Variants in XPA observed in about 807,000 individuals in gnomAD.
XPA encodes the protein DNA repair protein complementing XP-A cells.
Under a neutral mutation model 35.7 loss-of-function variants are expected in XPA, and 27 were observed. That is an observed-to-expected ratio of 0.76 (90% CI 0.56 to 1.04). The LOEUF is 1.04. Among genes scored for constraint, XPA ranks in the 50% least tolerant of loss-of-function variants. The pLI is 0.00. For synonymous variants in XPA, 133 were observed against 118.4 expected (o/e 1.12, Z -0.80); for missense variants, 354 against 342.7 (o/e 1.03, Z -0.26).
At chr9:97,662,905 G>A in the XPA span, 10 of 1,358,796 alleles carry the variant, frequency 7.4e-6, no homozygotes, top group East Asian at 2.1e-4. Flanking sequence ...ACACTAAAAT[G>A]TTTAATGAAT....
intron 5 of XPA, among the ~76,000 whole-genome samples, chr9:97,677,035 A>G (rs1828388458): frequency 6.6e-6 from 1 of 152,194 alleles, no homozygotes; most frequent in Admixed American, 6.5e-5. Context: ...TAATGTAAGG[A>G]AGATGTTGCC....
At chr9:97,654,836 T>G in the XPA span, 3 of 1,534,916 alleles carry the variant, frequency 2.0e-6, no homozygotes, top group South Asian at 3.4e-5. Context: ...ACAACTTATT[T>G]GGGATAAAAG....
At chr9:97,687,327 C>T in intron 3 of XPA, 66 bp from the exon 4 acceptor site, 2 of 1,440,246 alleles carry the variant, frequency 1.4e-6, no homozygotes, top group African/African-American at 1.4e-5. Context: ...GCAAATAGCC[C>T]AGCAACTTAG....
the XPA span, chr9:97,655,824 G>C: frequency 8.8e-6 from 13 of 1,483,732 alleles, no homozygotes; most frequent in East Asian, 2.5e-4. Context: ...GTTTAAAACT[G>C]TAACATAAAA....
chr9:97,666,930 G>GGTTTCAGAGTTCA, the XPA span: 3 of 1,276,196 alleles, frequency 2.4e-6, no homozygotes, highest in Non-Finnish European at 2.2e-6. Flanking sequence ...CAGAAACTCT[G>GGTTTCAGAGTTCA]GAGAGGATTC....
In XPA at chr9:97,675,754, CAA is replaced by C. The variant is rs1241937738; in HGVS notation, c.674-169_674-168del. ...AACAAAGTTGATTATACAAACTTGG[CAA>C]ACTTACTTTCTTACCTCACTAGTTC... On this transcript the variant is annotated intron_variant, in intron 5 of 5. Coordinates refer to ENST00000375128, the MANE Select transcript of XPA (RefSeq NM_000380.4). 4.6e-6 allele frequency: 4 copies of C among 865,362 alleles called. No individual in the cohort carries two copies. In the Admixed American group the frequency reaches 6.7e-5, roughly 14 times the overall value. The allele number at this position is 865,362 out of a possible 1,614,324, so 53.6% of individuals were successfully genotyped here.
intron 5 of XPA, among the ~76,000 whole-genome samples, chr9:97,680,212 G>GT (rs1828494707): frequency 6.6e-6 from 1 of 152,090 alleles, no homozygotes; most frequent in Non-Finnish European, 1.5e-5. Context: ...GAACACCATT[G>GT]TTTTTTGTTT....
At chr9:97,695,358 T>G (rs1829010542) in intron 1 of XPA, among the ~76,000 whole-genome samples, 1 of 152,260 alleles carries the variant, frequency 6.6e-6, no homozygotes, top group East Asian at 1.9e-4. Context: ...CTATAATGCC[T>G]GTTCATCTCT....
Position 97,675,481 on chromosome 9 carries a change from AG to A in XPA, c.779del (p.Thr260IlefsTer9). On this transcript the variant is annotated frameshift_variant, in exon 6 of 6. Coordinates refer to ENST00000375128, the MANE Select transcript of XPA (RefSeq NM_000380.4). LOFTEE classifies it high-confidence loss of function. ...TCAGTTCATGGCCACACATAGTACAAGTCTTACGGTACATGTCATCTTCTAG... is the reference window on the plus strand; with the variant it reads ...TCAGTTCATGGCCACACATAGTACAATCTTACGGTACATGTCATCTTCTAG... ...ENLEDDMYRK[T>X]CTMCGHELTY... 1 of 1,613,822 alleles carries A rather than the reference AG, an allele frequency of 6.2e-7. No homozygotes were observed. The highest frequency in any genetic ancestry group is 8.5e-7 in the Non-Finnish European group (1 of 1,179,774).
intron 5 of XPA, chr9:97,676,061 C>CT (rs1463164788): frequency 1.7e-5 from 3 of 176,624 alleles, no homozygotes; most frequent in Non-Finnish European, 3.6e-5. Context: ...GTAGAGAACT[C>CT]TACCACTATG....
At chr9:97,686,233 A>C (rs1828712365) in intron 4 of XPA, among the ~76,000 whole-genome samples, 1 of 152,234 alleles carries the variant, frequency 6.6e-6, no homozygotes, top group Non-Finnish European at 1.5e-5. Flanking sequence ...AACAGCACAA[A>C]AAGAATATTA....
rs749724416 is a variant in XPA at position 97,675,521 on chromosome 9, C to T, written c.740G>A (p.Gly247Glu). ...GTCATCTTCTAGGTTTTCTTCTGGTCCATACTCATGTTGATGAACAATCGT... is the reference window on the plus strand; with the variant it reads ...GTCATCTTCTAGGTTTTCTTCTGGTTCATACTCATGTTGATGAACAATCGT... Reference protein sequence around the residue: ...RETIVHQHEYGPEENLEDDMY... With the variant: ...RETIVHQHEYEPEENLEDDMY... The change falls in exon 6 of 6, where the codon GGA (glycine) becomes GAA (glutamate). Residue 247 changes from glycine to glutamate, a missense_variant. Physicochemically the swap from Gly to Glu is moderately conservative, Grantham distance 98. Coordinates refer to ENST00000375128, the MANE Select transcript of XPA (RefSeq NM_000380.4). 3 of 1,613,960 alleles carry T rather than the reference C, an allele frequency of 1.9e-6. No individual in the cohort carries two copies. The highest frequency in any genetic ancestry group is 2.7e-5 in the African/African-American group (2 of 75,002).
At chr9:97,684,745 G>A (rs2131392785) in intron 5 of XPA, among the ~76,000 whole-genome samples, 178 bp downstream of exon 5, 1 of 152,266 alleles carries the variant, frequency 6.6e-6, no homozygotes, top group South Asian at 2.1e-4. Flanking sequence ...CGTACTGTGA[G>A]GTTTGAGCTT....
the XPA span, chr9:97,666,797 C>T: frequency 1.2e-6 from 2 of 1,607,772 alleles, no homozygotes; most frequent in Non-Finnish European, 1.7e-6. Context: ...CTCTACAATT[C>T]GTAAGATGAA....
the XPA span, among the ~76,000 whole-genome samples, chr9:97,665,919 G>A: frequency 6.6e-6 from 1 of 152,158 alleles, no homozygotes; most frequent in East Asian, 1.9e-4. Flanking sequence ...TAAATCATAA[G>A]AGAGGAAACA....
intron 5 of XPA, among the ~76,000 whole-genome samples, chr9:97,677,915 A>G (rs939170253): frequency 6.6e-5 from 10 of 152,188 alleles, no homozygotes; most frequent in African/African-American, 2.4e-4. Flanking sequence ...TCAAGTCACT[A>G]TATTAAGGAT....
At chr9:97,664,978 T>C in the XPA span, among the ~76,000 whole-genome samples, 1 of 152,204 alleles carries the variant, frequency 6.6e-6, no homozygotes, top group South Asian at 2.1e-4. Flanking sequence ...TCATTCCCCC[T>C]AACGGAAAGA....
chr9:97,686,949 ATG>A (rs1828735828), intron 4 of XPA, 145 bp downstream of exon 4: 1 of 730,860 alleles, frequency 1.4e-6, no homozygotes, highest in South Asian at 2.1e-5. Flanking sequence ...ATGTTATTAA[ATG>A]TCATTATACA....
chr9:97,693,786 C>CAA, intron 1 of XPA, 27 bp from the exon 2 acceptor site: 1 of 1,601,940 alleles, frequency 6.2e-7, no homozygotes, highest in Non-Finnish European at 8.5e-7. Context: ...AAGCAGTCAA[C>CAA]AATTGAAGTA....
Sources: gnomAD v4.1 joint callset for allele counts (sites outside exome capture counted in the v4.1 genomes callset) on GRCh38, gnomAD v4.1.1 for gene constraint, MANE v1.5 for transcripts, NCBI Gene and HGNC (gene_info 2026-07-23, HGNC 2026-07-21) for gene names.